Variants in TYR observed in about 807,000 individuals in gnomAD.
TYR encodes the protein tyrosinase.
A neutral mutation model predicts 51.5 loss-of-function variants in TYR; 58 were observed. That is an observed-to-expected ratio of 1.13 (90% confidence interval 0.91 to 1.40). TYR has a LOEUF of 1.40. TYR is among the 40% of genes most tolerant of loss of function. TYR has a pLI of 0.00. For synonymous variants in TYR, 263 were observed against 235.2 expected, an observed-to-expected ratio of 1.12 and a Z score of -1.08; for missense variants, 732 against 647.4, an observed-to-expected ratio of 1.13 and a Z score of -1.42.
At chr11:89,244,027 T>G (rs1944234633) in intron 3 of TYR, among the ~76,000 whole-genome samples, 1 of 152,098 alleles carries the variant, frequency 6.6e-6, no homozygotes, top group Non-Finnish European at 1.5e-5. Context: ...ATGCATAAAT[T>G]TTATTTCCTT....
At chr11:89,214,701 T>TA (rs1040751819) in intron 2 of TYR, among the ~76,000 whole-genome samples, 3 of 151,972 alleles carry the variant, frequency 2.0e-5, no homozygotes, top group Non-Finnish European at 4.4e-5. Flanking sequence ...TATGCAGCCA[T>TA]AAAAAATGGA....
intron 3 of TYR, among the ~76,000 whole-genome samples, chr11:89,238,390 A>G (rs1048099972): frequency 6.6e-6 from 1 of 151,894 alleles, no homozygotes; most frequent in African/African-American, 2.4e-5. Context: ...TTTTTTGGAT[A>G]GTTCATTGTT....
chr11:89,287,688 T>G (rs756462226), intron 4 of TYR, among the ~76,000 whole-genome samples: 1 of 151,980 alleles, frequency 6.6e-6, no homozygotes. Context: ...GTTAGAATAA[T>G]GCAAGCCACT....
intron 3 of TYR, among the ~76,000 whole-genome samples, chr11:89,278,566 T>C (rs543836251): frequency 1.3e-5 from 2 of 151,794 alleles, no homozygotes; most frequent in South Asian, 2.1e-4. Flanking sequence ...TATCCAACTA[T>C]CTTAAGGCTT....
intron 2 of TYR, among the ~76,000 whole-genome samples, chr11:89,198,359 T>A (rs1943551493): frequency 6.6e-6 from 1 of 152,168 alleles, no homozygotes; most frequent in South Asian, 2.1e-4. Flanking sequence ...TTCCCTAGTA[T>A]CTTCCTCACT....
Position 89,177,891 on chromosome 11 carries a change from G to C in TYR, c.-63G>C, listed in dbSNP as rs1943243987. ...GTGATAATCACTGTAGTAGTAGCTG[G>C]AAAGAGAAATCTGTGACTCCAATTA... On this transcript the variant is annotated 5_prime_UTR_variant, in exon 1 of 5. Coordinates refer to ENST00000263321, the MANE Select transcript of TYR (RefSeq NM_000372.5). 1.3e-6 allele frequency: 2 copies of C among 1,541,676 alleles called. No homozygotes were observed. The highest frequency in any genetic ancestry group is 1.8e-6 in the Non-Finnish European group (2 of 1,118,496).
At chr11:89,264,826 G>C (rs977859638) in intron 3 of TYR, among the ~76,000 whole-genome samples, 6 of 151,378 alleles carry the variant, frequency 4.0e-5, no homozygotes, top group African/African-American at 1.5e-4. Context: ...TTTGTGAAGT[G>C]TCTAATATGT....
chr11:89,264,460 T>C (rs140134365), intron 3 of TYR, among the ~76,000 whole-genome samples: 16 of 152,108 alleles, frequency 1.1e-4, no homozygotes, highest in African/African-American at 3.9e-4. Flanking sequence ...TGTTGTACAC[T>C]GTTGGTTGAA....
chr11:89,237,141 T>C (rs1413085796), intron 3 of TYR, among the ~76,000 whole-genome samples: 1 of 152,142 alleles, frequency 6.6e-6, no homozygotes, highest in Non-Finnish European at 1.5e-5. Context: ...GACACATCAA[T>C]TATCTTTTTA....
chr11:89,200,918 T>C (rs1943589324), intron 2 of TYR, among the ~76,000 whole-genome samples: 1 of 152,200 alleles, frequency 6.6e-6, no homozygotes, highest in Non-Finnish European at 1.5e-5. Flanking sequence ...TCTGAAATCA[T>C]ATCAATGAAC....
At chr11:89,269,484 A>G (rs1021755896) in intron 3 of TYR, among the ~76,000 whole-genome samples, 2 of 151,962 alleles carry the variant, frequency 1.3e-5, no homozygotes, top group Non-Finnish European at 2.9e-5. Flanking sequence ...AAGGAGAGAA[A>G]AAAACACCGA....
chr11:89,232,774 C>T (rs1944067790), intron 3 of TYR, among the ~76,000 whole-genome samples: 1 of 142,766 alleles, frequency 7.0e-6, no homozygotes, highest in Non-Finnish European at 1.5e-5. Flanking sequence ...AGTGTACAAT[C>T]TCATTATGCC....
intron 3 of TYR, among the ~76,000 whole-genome samples, chr11:89,273,722 C>G (rs1313910509): frequency 6.6e-6 from 1 of 151,866 alleles, no homozygotes; most frequent in Non-Finnish European, 1.5e-5. Context: ...ATACCTGTTC[C>G]ACAGACTGGG....
chr11:89,270,156 T>G (rs576763467), intron 3 of TYR, among the ~76,000 whole-genome samples: 2 of 151,880 alleles, frequency 1.3e-5, no homozygotes, highest in Admixed American at 1.3e-4. Context: ...ATCCACATAA[T>G]ATCCTTCCTT....
intron 3 of TYR, among the ~76,000 whole-genome samples, chr11:89,275,417 G>A (rs1944642177): frequency 6.6e-6 from 1 of 151,886 alleles, no homozygotes; most frequent in African/African-American, 2.4e-5. Flanking sequence ...TCTGCCACCT[G>A]GGTGTTATAA....
Position 89,226,565 on chromosome 11 carries a change from G to C in TYR, c.1037-1258G>C, listed in dbSNP as rs373690334. 3.9e-5 allele frequency among the ~76,000 whole-genome samples: 6 copies of C among 151,942 alleles called. No homozygotes were observed. In the East Asian group the frequency reaches 1.2e-3, roughly 29 times the overall value. On this transcript the variant is annotated intron_variant, in intron 2 of 4. Transcript: ENST00000263321. Reference sequence around the variant, plus strand: ...ATAAGTTCAAAAGGAGGTAAAAGGAGGAAAAAACATCACTACCCGAAGGGG... The same window carrying C: ...ATAAGTTCAAAAGGAGGTAAAAGGACGAAAAAACATCACTACCCGAAGGGG...
Position 89,284,877 on chromosome 11 carries a change from T to C in TYR, c.1289T>C (p.Ile430Thr). 1.9e-6 allele frequency: 3 copies of C among 1,611,928 alleles called. No individual in the cohort carries two copies. The highest frequency in any genetic ancestry group is 2.5e-6 in the Non-Finnish European group (3 of 1,178,546). ...HNRESYMVPFIPLYRNGDFFI... is the reference protein window; with the variant it reads ...HNRESYMVPFTPLYRNGDFFI... The stretch of plus-strand genomic sequence containing the variant: ...CGGGAATCCTACATGGTTCCTTTTA[T>C]ACCACTGTACAGAAATGGTGATTTC... Residue 430 changes from isoleucine to threonine, a missense_variant, in exon 4 of 5, where the codon ATA becomes ACA. Coordinates refer to ENST00000263321, the MANE Select transcript of TYR (RefSeq NM_000372.5).
At chr11:89,216,951 C>T (rs924575241) in intron 2 of TYR, among the ~76,000 whole-genome samples, 3 of 152,092 alleles carry the variant, frequency 2.0e-5, no homozygotes, top group African/African-American at 7.2e-5. Flanking sequence ...ATGTTATCTC[C>T]AGCTAGTGGC....
intron 2 of TYR, among the ~76,000 whole-genome samples, chr11:89,194,949 T>C (rs186546232): frequency 2.2e-4 from 34 of 152,268 alleles, no homozygotes; most frequent in Admixed American, 1.3e-4. Context: ...ATGTTTTCTT[T>C]CATTGGGAAG....
Sources: gnomAD v4.1 joint callset for allele counts (sites outside exome capture counted in the v4.1 genomes callset) on GRCh38, gnomAD v4.1.1 for gene constraint, MANE v1.5 for transcripts, NCBI Gene and HGNC (gene_info 2026-07-23, HGNC 2026-07-21) for gene names.